The following LRBA variants were observed in gnomAD, a reference collection of about 807,000 sequenced individuals.
The protein encoded by LRBA is lipopolysaccharide-responsive and beige-like anchor protein.
In LRBA, 176 loss-of-function variants were observed where a neutral mutation model predicts 330.0. That is an observed-to-expected ratio of 0.53 (90% CI 0.47 to 0.60). LRBA has a LOEUF of 0.60. Ranked by LOEUF, LRBA falls within the 20% of genes least tolerant of loss-of-function variation. The pLI, the probability that LRBA is intolerant of heterozygous loss-of-function variation, is 0.00. For missense variants in LRBA, 3,259 were observed against 3,444.8 expected (o/e 0.95, Z 1.35); for synonymous variants, 1,230 against 1,193.0 (o/e 1.03, Z -0.64).
At chr4:150,477,327 C>T (rs376323971) in intron 42 of LRBA, among the ~76,000 whole-genome samples, 42 of 152,194 alleles carry the variant, frequency 2.8e-4, no homozygotes, top group Middle Eastern at 6.8e-3. Flanking sequence ...CAGCCTAAGA[C>T]GGGGTAATTT....
chr4:150,755,156 A>G (rs986525715), intron 35 of LRBA, among the ~76,000 whole-genome samples: 1 of 152,216 alleles, frequency 6.6e-6, no homozygotes, highest in African/African-American at 2.4e-5. Context: ...AGAAGTGAAG[A>G]AAAAGGATGG....
intron 31 of LRBA, among the ~76,000 whole-genome samples, chr4:150,816,669 T>A (rs1744638159): frequency 6.6e-6 from 1 of 151,478 alleles, no homozygotes; most frequent in African/African-American, 2.4e-5. Context: ...CAAAAAAATA[T>A]GCCAAAAAAA....
At chr4:150,558,634 C>A (rs1434833004) in intron 40 of LRBA, among the ~76,000 whole-genome samples, 1 of 152,100 alleles carries the variant, frequency 6.6e-6, no homozygotes, top group Non-Finnish European at 1.5e-5. Flanking sequence ...TTTATTGGAG[C>A]ATGGTATTAG....
intron 40 of LRBA, among the ~76,000 whole-genome samples, chr4:150,524,124 A>G (rs1187109159): frequency 1.3e-5 from 2 of 152,212 alleles, no homozygotes; most frequent in Admixed American, 6.5e-5. Flanking sequence ...ACAGAGTACT[A>G]TATATTATCT....
intron 44 of LRBA, among the ~76,000 whole-genome samples, chr4:150,442,464 C>T (rs1369471929): frequency 6.6e-6 from 1 of 152,162 alleles, no homozygotes; most frequent in Non-Finnish European, 1.5e-5. Context: ...TGCTTTACAA[C>T]CCTGCTTAGG....
At chr4:150,294,149 A>G (rs1728679421) in intron 53 of LRBA, among the ~76,000 whole-genome samples, 1 of 152,200 alleles carries the variant, frequency 6.6e-6, no homozygotes, top group Non-Finnish European at 1.5e-5. Flanking sequence ...TACATTAGAA[A>G]ATGGGTTTAT....
intron 34 of LRBA, among the ~76,000 whole-genome samples, chr4:150,793,929 C>T (rs1560825595): frequency 6.6e-6 from 1 of 152,110 alleles, no homozygotes; most frequent in Non-Finnish European, 1.5e-5. Context: ...AAGAGGAATA[C>T]TAACAGTAAA....
intron 17 of LRBA, among the ~76,000 whole-genome samples, chr4:150,874,835 A>C (rs1753825774): frequency 6.6e-6 from 1 of 152,266 alleles, no homozygotes; most frequent in Middle Eastern, 3.4e-3. Flanking sequence ...CACGTGGTGC[A>C]GCAAGATGCA....
At chr4:150,599,272 C>T in intron 37 of LRBA, 141 bp from the exon 38 acceptor site, 2 of 773,484 alleles carry the variant, frequency 2.6e-6, no homozygotes, top group Non-Finnish European at 4.1e-6. Context: ...TCTCACACTC[C>T]CCTTTCTGCA....
At chr4:150,868,053 A>T in intron 21 of LRBA, 129 bp downstream of exon 21, 2 of 1,030,100 alleles carry the variant, frequency 1.9e-6, no homozygotes, top group Non-Finnish European at 2.8e-6. Flanking sequence ...TACATTATTT[A>T]CATACTCTTA....
At chr4:150,915,199 GATTT>G (rs1365926368) in intron 8 of LRBA, among the ~76,000 whole-genome samples, 5 of 151,996 alleles carry the variant, frequency 3.3e-5, no homozygotes, top group African/African-American at 9.7e-5. Context: ...CTAACCTATA[GATTT>G]ATTTTTGAAA....
rs1312183707 is a variant in LRBA, at chr4:150,583,731, C to T, written c.6330+4317G>A. ...AGAGCGACGCCTGGGTGCTACAGTT[C>T]GGGGAGGCGGAGAACCGCCTGCTGA... is the stretch of plus-strand genomic sequence containing the variant. On this transcript the variant is annotated intron_variant, in intron 40 of 56. Transcript: ENST00000651943. The surrounding 1 kb of genome is among the most constrained non-coding windows in gnomAD (Gnocchi z 9.8). 6.2e-7 allele frequency: 1 copy of T among 1,613,368 alleles called. No homozygotes were observed. Among genetic ancestry groups the T allele is most frequent in the Non-Finnish European group, 8.5e-7 (1 of 1,179,730 alleles).
intron 2 of LRBA, among the ~76,000 whole-genome samples, chr4:150,937,517 T>C (rs34616115): frequency 6.6e-6 from 1 of 152,194 alleles, no homozygotes; most frequent in Admixed American, 6.5e-5. Context: ...TTTATGGTTG[T>C]ATTTTTTTGA....
At chr4:150,985,769 A>G (rs2149614283) in intron 2 of LRBA, among the ~76,000 whole-genome samples, 1 of 152,294 alleles carries the variant, frequency 6.6e-6, no homozygotes, top group Non-Finnish European at 1.5e-5. Flanking sequence ...AAGTGCTGGG[A>G]TTACAGGCGT....
At chr4:150,365,412 A>G (rs2151852006) in intron 47 of LRBA, among the ~76,000 whole-genome samples, 1 of 152,322 alleles carries the variant, frequency 6.6e-6, no homozygotes, top group Admixed American at 6.5e-5. Context: ...CCAATCCATT[A>G]AACAAAAAAA....
intron 47 of LRBA, among the ~76,000 whole-genome samples, chr4:150,408,082 A>G (rs973075468): frequency 6.6e-6 from 1 of 152,124 alleles, no homozygotes. Context: ...ACACAGAGAC[A>G]CCATAGAGGA....
intron 18 of LRBA, among the ~76,000 whole-genome samples, chr4:150,872,273 G>A (rs576520709): frequency 3.3e-5 from 5 of 152,218 alleles, no homozygotes; most frequent in East Asian, 3.9e-4. Context: ...GAAAATAAGC[G>A]TGGAAGTTTC....
At chr4:150,841,515 A>G (rs1188007032) in intron 28 of LRBA, among the ~76,000 whole-genome samples, 1 of 152,222 alleles carries the variant, frequency 6.6e-6, no homozygotes, top group African/African-American at 2.4e-5. Flanking sequence ...TTACTTAAGG[A>G]CATATAGTAT....
In LRBA at chr4:150,426,891, T is replaced by C. The variant is rs866882002; in HGVS notation, c.7041+8698A>G. On this transcript the variant is annotated intron_variant, in intron 46 of 56. Transcript: ENST00000651943. ...GATAAATATCCCCAATAATTTATGG[T>C]TCTTTCTTGCTTTCAACACATTTTT... Among the ~76,000 whole-genome samples the C allele has an allele frequency of 2.0e-5, 3 of 151,944 alleles. No homozygotes were observed. In the South Asian group the frequency reaches 6.2e-4, roughly 31 times the overall value.
Sources: allele counts gnomAD v4.1 joint callset (sites outside exome capture counted in the v4.1 genomes callset), GRCh38; gene constraint gnomAD v4.1.1; non-coding constraint Gnocchi (gnomAD v3.1); transcripts MANE v1.5; gene names NCBI Gene and HGNC (gene_info 2026-07-23, HGNC 2026-07-21).